The following PDE1A variants were observed in gnomAD, a reference collection of about 807,000 sequenced individuals.
PDE1A encodes phosphodiesterase 1A.
In PDE1A, 35 loss-of-function variants were observed where a neutral mutation model predicts 61.7. That is an observed-to-expected ratio of 0.57 (90% confidence interval 0.43 to 0.75). The LOEUF (loss-of-function observed/expected upper bound fraction) is 0.75. Among genes scored for constraint, PDE1A ranks in the 30% least tolerant of loss-of-function variants. PDE1A has a pLI of 0.00. For missense variants in PDE1A, 597 were observed against 630.6 expected, an observed-to-expected ratio of 0.95 and a Z score of 0.57; for synonymous variants, 232 against 213.2, an observed-to-expected ratio of 1.09 and a Z score of -0.77.
In PDE1A at chr2:182,335,563, A is replaced by G. The variant is rs531714996; in HGVS notation, c.54-71149T>C. 2.0e-3 allele frequency among the ~76,000 whole-genome samples: 302 copies of G among 152,342 alleles called. 1 individual carries two copies. The highest frequency in any genetic ancestry group is 7.1e-3 in the African/African-American group (297 of 41,586). ...ATGGTGTTGGGAAAACTGGCTGGCCATATGCAGAAAACAGAAACTGGATCC... is the reference window on the plus strand; with the variant it reads ...ATGGTGTTGGGAAAACTGGCTGGCCGTATGCAGAAAACAGAAACTGGATCC... On this transcript the variant is annotated intron_variant, in intron 1 of 13. Coordinates refer to ENST00000351439, the Ensembl canonical transcript of PDE1A.
At chr2:182,705,511 T>G in the PDE1A span, among the ~76,000 whole-genome samples, 1 of 151,918 alleles carries the variant, frequency 6.6e-6, no homozygotes, top group East Asian at 1.9e-4. Flanking sequence ...AGTCTTTTTT[T>G]TTTTTGTTTT....
At chr2:182,332,537 T>C (rs375840526) in intron 1 of PDE1A, among the ~76,000 whole-genome samples, 52 of 152,298 alleles carry the variant, frequency 3.4e-4, no homozygotes, top group African/African-American at 9.9e-4. Context: ...ATGGGGTTTC[T>C]GGGGTTTTTG....
In PDE1A at chr2:182,295,057, CTTTTTTTTTTTTTT is replaced by C. The variant is rs11420821; in HGVS notation, c.54-30657_54-30644del. On this transcript the variant is annotated intron_variant, in intron 1 of 13. Transcript: ENST00000351439. ...ACGACCAATCAAAATAAAAGGTAAT[CTTTTTTTTTTTTTT>C]TTTTTTTTTTTTTTGAGATGGAGTC... is the stretch of plus-strand genomic sequence containing the variant. Among the ~76,000 whole-genome samples the C allele has an allele frequency of 2.5e-4, 15 of 59,368 alleles. 1 individual carries two copies. Among genetic ancestry groups the C allele is most frequent in the Admixed American group, 1.9e-3 (6 of 3,238 alleles). 38.9% of individuals were successfully genotyped at this position (59,368 alleles called of 152,430 possible). A position where few individuals can be genotyped will look rare whatever the true frequency, so the allele number is the denominator to read the frequency against.
chr2:182,513,170 A>G (rs1389343328), intron 2 of PDE1A, among the ~76,000 whole-genome samples: 1 of 152,134 alleles, frequency 6.6e-6, no homozygotes, highest in Admixed American at 6.5e-5. Flanking sequence ...AGGTCAATGT[A>G]AAAGAAAAAA....
At chr2:182,355,573 A>C (rs957114511) in intron 1 of PDE1A, among the ~76,000 whole-genome samples, 1 of 152,080 alleles carries the variant, frequency 6.6e-6, no homozygotes, top group Non-Finnish European at 1.5e-5. Context: ...AGCTATTATT[A>C]CAGCCAGAGT....
At chr2:182,621,039 T>G in the PDE1A span, among the ~76,000 whole-genome samples, 1 of 152,134 alleles carries the variant, frequency 6.6e-6, no homozygotes, top group African/African-American at 2.4e-5. Context: ...CTGGATATAC[T>G]CCTAGTGACA....
chr2:182,671,890 A>C, the PDE1A span, among the ~76,000 whole-genome samples: 1 of 151,990 alleles, frequency 6.6e-6, no homozygotes, highest in Non-Finnish European at 1.5e-5. Flanking sequence ...AAGTGCTGGG[A>C]TTACAGGCTT....
intron 1 of PDE1A, among the ~76,000 whole-genome samples, chr2:182,380,891 G>A (rs1700695852): frequency 2.0e-5 from 3 of 152,190 alleles, no homozygotes; most frequent in South Asian, 4.1e-4. Context: ...ATGCTGAAGA[G>A]CACTAAAAAA....
At chr2:182,493,496 T>A (rs1688524442) in intron 2 of PDE1A, among the ~76,000 whole-genome samples, 1 of 152,154 alleles carries the variant, frequency 6.6e-6, no homozygotes, top group South Asian at 2.1e-4. Flanking sequence ...GTGTTCTCAT[T>A]GTTCAATTCC....
At chr2:182,276,876 T>C (rs1316238145) in intron 1 of PDE1A, among the ~76,000 whole-genome samples, 1 of 152,032 alleles carries the variant, frequency 6.6e-6, no homozygotes, top group Non-Finnish European at 1.5e-5. Context: ...GTGGTTGAGA[T>C]AAGGACTGAA....
At position 182,203,435 on chromosome 2, in the gene PDE1A, C is replaced by T. The variant is rs183863239; in HGVS notation, c.903-1646G>A. Among the ~76,000 whole-genome samples, 172 of 152,244 alleles carry T rather than the reference C, an allele frequency of 1.1e-3. 1 individual carries two copies. In the East Asian group the frequency reaches 0.024, roughly 21 times the overall value. On this transcript the variant is annotated intron_variant, in intron 8 of 13. Coordinates refer to ENST00000351439, the Ensembl canonical transcript of PDE1A. ...TGAGAATCAATACTCTGCTTACTTA[C>T]TTTTATTCAAGTAGTAAGGGAAAGG...
intron 1 of PDE1A, among the ~76,000 whole-genome samples, chr2:182,285,248 A>C (rs1694077358): frequency 6.6e-6 from 1 of 151,986 alleles, no homozygotes; most frequent in East Asian, 1.9e-4. Context: ...TCACTTCTGG[A>C]CACTCTTCAG....
chr2:182,538,878 G>T, the PDE1A span, among the ~76,000 whole-genome samples: 1 of 152,288 alleles, frequency 6.6e-6, no homozygotes, highest in Non-Finnish European at 1.5e-5. Flanking sequence ...GTAGTAATGA[G>T]TTACGGCCTG....
At chr2:182,253,975 C>T (rs1486018633) in intron 2 of PDE1A, among the ~76,000 whole-genome samples, 1 of 151,856 alleles carries the variant, frequency 6.6e-6, no homozygotes, top group Non-Finnish European at 1.5e-5. Context: ...TTGGATGTAA[C>T]TGTCAAATGA....
the PDE1A span, among the ~76,000 whole-genome samples, chr2:182,595,265 T>C: frequency 1.3e-5 from 2 of 152,090 alleles, no homozygotes; most frequent in Non-Finnish European, 2.9e-5. Flanking sequence ...CAAAAAACAA[T>C]AGGACTATAT....
chr2:182,678,543 C>T, the PDE1A span, among the ~76,000 whole-genome samples: 1 of 152,064 alleles, frequency 6.6e-6, no homozygotes, highest in African/African-American at 2.4e-5. Flanking sequence ...TATATACCTG[C>T]ATGTGCCAAA....
At chr2:182,697,988 G>A in the PDE1A span, among the ~76,000 whole-genome samples, 1 of 152,170 alleles carries the variant, frequency 6.6e-6, no homozygotes, top group Non-Finnish European at 1.5e-5. Context: ...CTCAATAAAT[G>A]TTAGTTCCTC....
intron 1 of PDE1A, among the ~76,000 whole-genome samples, chr2:182,275,001 T>C (rs1347346158): frequency 2.0e-5 from 3 of 152,164 alleles, no homozygotes; most frequent in Middle Eastern, 3.4e-3. Context: ...TAAGTTAAGG[T>C]CTAACTAGGA....
chr2:182,480,788 T>C (rs1333822199), intron 2 of PDE1A, among the ~76,000 whole-genome samples: 2 of 151,818 alleles, frequency 1.3e-5, no homozygotes, highest in Non-Finnish European at 1.5e-5. Context: ...TGCATGTACA[T>C]ACACAAACAC....
Sources: gnomAD v4.1 joint callset for allele counts (sites outside exome capture counted in the v4.1 genomes callset) on GRCh38, gnomAD v4.1.1 for gene constraint, MANE v1.5 for transcripts, NCBI Gene and HGNC (gene_info 2026-07-23, HGNC 2026-07-21) for gene names.